The following KCNH7 variants were observed in gnomAD, a reference collection of about 807,000 sequenced individuals.
The protein encoded by KCNH7 is voltage-gated inwardly rectifying potassium channel KCNH7.
KCNH7 carries 49 observed loss-of-function variants against 120.8 expected under a neutral mutation model. The observed-to-expected ratio is 0.41, with a 90% CI of 0.32 to 0.51. KCNH7 has a LOEUF of 0.51. KCNH7 is among the 20% of genes least tolerant of loss of function. The pLI, the probability that KCNH7 is intolerant of heterozygous loss-of-function variation, is 0.38. For synonymous variants in KCNH7, 547 were observed against 516.1 expected, an observed-to-expected ratio of 1.06 and a Z score of -0.81; for missense variants, 1,097 against 1,446.6, an observed-to-expected ratio of 0.76 and a Z score of 3.92.
intron 2 of KCNH7, among the ~76,000 whole-genome samples, chr2:162,752,848 C>T (rs1054133204): frequency 1.4e-5 from 2 of 147,086 alleles, no homozygotes; most frequent in African/African-American, 4.9e-5. Context: ...TTGCAGTGAG[C>T]CGAGATTGCG....
chr2:162,545,224 A>G (rs752499552), intron 2 of KCNH7, among the ~76,000 whole-genome samples: 12 of 152,224 alleles, frequency 7.9e-5, no homozygotes, highest in Non-Finnish European at 1.5e-4. Context: ...TGCTCAGCTC[A>G]TATTAGTGTT....
At chr2:162,741,750 T>A (rs1382538381) in intron 2 of KCNH7, among the ~76,000 whole-genome samples, 2 of 152,166 alleles carry the variant, frequency 1.3e-5, no homozygotes, top group Admixed American at 6.6e-5. Flanking sequence ...ACTGTATTTC[T>A]CAAGGCACTT....
At chr2:162,794,356 T>A (rs1393225973) in intron 2 of KCNH7, among the ~76,000 whole-genome samples, 1 of 152,010 alleles carries the variant, frequency 6.6e-6, no homozygotes, top group Non-Finnish European at 1.5e-5. Flanking sequence ...TAACTGAGCA[T>A]GCAATCTACT....
At chr2:162,513,419 CTCCTTCTTTCCTTCCTTCCTTCCT>C (rs1691173371) in intron 4 of KCNH7, among the ~76,000 whole-genome samples, 1 of 98,348 alleles carries the variant, frequency 1.0e-5, no homozygotes, top group Non-Finnish European at 1.9e-5. Context: ...CCTTCCTTCC[CTCCTTCTTTCCTTCCTTCCTTCCT>C]TCCTTCCTTC....
At chr2:162,791,891 C>T (rs1019064523) in intron 2 of KCNH7, among the ~76,000 whole-genome samples, 16 of 152,010 alleles carry the variant, frequency 1.1e-4, no homozygotes, top group African/African-American at 2.9e-4. Context: ...AGTTTTTGCC[C>T]ATTCAGTATG....
rs147236957 is a variant in KCNH7, at chr2:162,406,203, C to T, written c.2155-5762G>A. 5.6e-4 allele frequency among the ~76,000 whole-genome samples: 84 copies of T among 150,824 alleles called. 1 individual carries two copies. Among genetic ancestry groups the T allele is most frequent in the African/African-American group, 1.8e-3 (74 of 41,232 alleles). The stretch of plus-strand genomic sequence containing the variant: ...TAAGTGTCAACAATTGAGCTGGTTC[C>T]TTTTTTTTTAAACGCCAGAACAAGT... On this transcript the variant is annotated intron_variant, in intron 9 of 15. Transcript: ENST00000332142.
intron 2 of KCNH7, among the ~76,000 whole-genome samples, chr2:162,766,864 T>C (rs1009083864): frequency 7.1e-6 from 1 of 141,516 alleles, no homozygotes; most frequent in Admixed American, 7.1e-5. Context: ...CTAAGCACAT[T>C]ACACACACAC....
intron 2 of KCNH7, among the ~76,000 whole-genome samples, chr2:162,737,988 C>T (rs1009684742): frequency 6.8e-5 from 10 of 146,028 alleles, no homozygotes; most frequent in East Asian, 6.2e-4. Context: ...TCACTTGAAA[C>T]GGGAGGCAGA....
At chr2:162,539,975 C>T (rs1692247975) in intron 2 of KCNH7, among the ~76,000 whole-genome samples, 1 of 152,070 alleles carries the variant, frequency 6.6e-6, no homozygotes, top group Non-Finnish European at 1.5e-5. Context: ...CTACTTTGGT[C>T]AAGTGACATT....
intron 6 of KCNH7, among the ~76,000 whole-genome samples, chr2:162,451,681 G>A (rs543070455): frequency 3.3e-5 from 5 of 151,940 alleles, no homozygotes; most frequent in African/African-American, 9.7e-5. Context: ...GAGTGGCTGG[G>A]TCTCTCTCTA....
intron 6 of KCNH7, among the ~76,000 whole-genome samples, chr2:162,458,292 G>A (rs935087781): frequency 6.6e-6 from 1 of 152,048 alleles, no homozygotes; most frequent in Non-Finnish European, 1.5e-5. Flanking sequence ...GAAATAGGTT[G>A]AATATCTTAA....
intron 3 of KCNH7, among the ~76,000 whole-genome samples, chr2:162,528,997 A>G (rs1347220874): frequency 6.6e-6 from 1 of 151,926 alleles, no homozygotes; most frequent in African/African-American, 2.4e-5. Context: ...ATAATGTATG[A>G]AAAGGAAGAG....
rs1026507071 is a variant in KCNH7 at position 162,759,419 on chromosome 2, C to A, written c.307+77118G>T. ...ACTTGTCAGCAGAAAGGTCATCTTT[C>A]AAGTAGATCCCTAGGACAAATCACG... On this transcript the variant is annotated intron_variant, in intron 2 of 15. Transcript: ENST00000332142. Among the ~76,000 whole-genome samples, 6 of 152,158 alleles carry A rather than the reference C, an allele frequency of 3.9e-5. No homozygotes were observed. In the East Asian group the frequency reaches 1.2e-3, roughly 29 times the overall value.
At chr2:162,540,963 C>T (rs781437278) in intron 2 of KCNH7, among the ~76,000 whole-genome samples, 11 of 151,736 alleles carry the variant, frequency 7.2e-5, no homozygotes, top group African/African-American at 2.7e-4. Flanking sequence ...TGAGGTAGAG[C>T]GTATAGGATT....
At chr2:162,771,059 C>T (rs1389300355) in intron 2 of KCNH7, among the ~76,000 whole-genome samples, 1 of 152,120 alleles carries the variant, frequency 6.6e-6, no homozygotes, top group African/African-American at 2.4e-5. Flanking sequence ...TTTTCATTCT[C>T]ATTCACCTCT....
At chr2:162,694,201 A>G (rs1160514644) in intron 2 of KCNH7, among the ~76,000 whole-genome samples, 1 of 152,160 alleles carries the variant, frequency 6.6e-6, no homozygotes, top group Non-Finnish European at 1.5e-5. Flanking sequence ...ACTCTCACCC[A>G]TGCTTCAGAA....
intron 3 of KCNH7, chr2:162,528,338 T>C (rs1209336172): frequency 6.6e-6 from 1 of 151,984 alleles, no homozygotes; most frequent in Non-Finnish European, 1.5e-5. Context: ...GCCTTCTTCA[T>C]TCATGTTACT....
chr2:162,454,542 C>G (rs1688891501), intron 6 of KCNH7, among the ~76,000 whole-genome samples: 1 of 152,108 alleles, frequency 6.6e-6, no homozygotes, highest in African/African-American at 2.4e-5. Context: ...TTACTTTGGA[C>G]AGTATGGCCA....
In KCNH7 at chr2:162,627,208, T is replaced by C. The variant is rs554559091; in HGVS notation, c.308-90128A>G. Reference sequence around the variant, plus strand: ...GAGTGCACTGCATGCTAGATTTACTTAGGGCTTCCAGATTCAGATAGCAGC... The same window carrying C: ...GAGTGCACTGCATGCTAGATTTACTCAGGGCTTCCAGATTCAGATAGCAGC... On this transcript the variant is annotated intron_variant, in intron 2 of 15. Coordinates refer to ENST00000332142, the MANE Select transcript of KCNH7 (RefSeq NM_033272.4). Among the ~76,000 whole-genome samples, 12 of 152,242 alleles carry C rather than the reference T, an allele frequency of 7.9e-5. No individual in the cohort carries two copies. The South Asian group carries it at 1.5e-3, about 18-fold the overall frequency.
Sources: gnomAD v4.1 joint callset for allele counts (sites outside exome capture counted in the v4.1 genomes callset) on GRCh38, gnomAD v4.1.1 for gene constraint, MANE v1.5 for transcripts, NCBI Gene and HGNC (gene_info 2026-07-23, HGNC 2026-07-21) for gene names.